The following FLT1 variants were observed in gnomAD, a reference collection of about 807,000 sequenced individuals.
FLT1 encodes fms related receptor tyrosine kinase 1, also known as vascular endothelial growth factor receptor 1.
FLT1 carries 49 observed loss-of-function variants against 156.3 expected under a neutral mutation model. The ratio of observed to expected loss-of-function variants is 0.31; its 90% CI spans 0.25 to 0.40. The LOEUF (loss-of-function observed/expected upper bound fraction) is 0.40, where lower values mean the gene tolerates loss of function less well. Ranked by LOEUF, FLT1 falls within the 10% of genes least tolerant of loss-of-function variation. The pLI, the probability that FLT1 is intolerant of heterozygous loss-of-function variation, is 1.00. For missense variants in FLT1, 1,322 were observed against 1,637.2 expected, an observed-to-expected ratio of 0.81 and a Z score of 3.32; for synonymous variants, 594 against 583.8, an observed-to-expected ratio of 1.02 and a Z score of -0.25.
intron 3 of FLT1, among the ~76,000 whole-genome samples, chr13:28,458,390 A>G (rs1879386830): frequency 6.6e-6 from 1 of 152,234 alleles, no homozygotes; most frequent in Admixed American, 6.5e-5. Context: ...AGTAAGTCTT[A>G]GCAATGTGGC....
Position 28,357,551 on chromosome 13 carries a change from T to A in FLT1, c.2248+3A>T. The A allele has an allele frequency of 6.2e-7, 1 of 1,614,120 alleles. No homozygotes were observed. Among genetic ancestry groups the A allele is most frequent in the Non-Finnish European group, 8.5e-7 (1 of 1,179,948 alleles). On this transcript the variant is annotated splice_donor_region_variant and intron_variant, in intron 15 of 29. Transcript: ENST00000282397. ...CTTGTTGCTTTCTTAAGCAGCTGTT[T>A]ACCTTGAACAGTGAGGTATGCTGAA...
chr13:28,323,316 G>A (rs1871547466), intron 20 of FLT1, among the ~76,000 whole-genome samples: 1 of 152,186 alleles, frequency 6.6e-6, no homozygotes, highest in African/African-American at 2.4e-5. Context: ...TGGAGAAACA[G>A]GTTCAGAGAA....
chr13:28,328,668 G>A (rs918427979), intron 19 of FLT1, among the ~76,000 whole-genome samples: 1 of 152,132 alleles, frequency 6.6e-6, no homozygotes, highest in African/African-American at 2.4e-5. Context: ...TCCCCTCTAC[G>A]GCGGCAGATG....
At chr13:28,407,758 A>G (rs1875898856) in intron 10 of FLT1, among the ~76,000 whole-genome samples, 1 of 152,242 alleles carries the variant, frequency 6.6e-6, no homozygotes, top group Non-Finnish European at 1.5e-5. Context: ...GGTAAAATAA[A>G]TGAACATTTT....
intron 1 of FLT1, among the ~76,000 whole-genome samples, chr13:28,485,665 T>C (rs1881113758): frequency 1.3e-5 from 2 of 152,210 alleles, no homozygotes; most frequent in South Asian, 2.1e-4. Context: ...GAGAGGCATC[T>C]GCTTCCCACC....
intron 17 of FLT1, among the ~76,000 whole-genome samples, chr13:28,335,876 T>A (rs1872099532): frequency 1.3e-5 from 2 of 152,266 alleles, no homozygotes; most frequent in African/African-American, 4.8e-5. Context: ...CAGTGGATCC[T>A]GAAAGTGCTA....
At chr13:28,388,526 A>T in intron 13 of FLT1, 2 of 1,041,518 alleles carry the variant, frequency 1.9e-6, no homozygotes, top group Non-Finnish European at 2.3e-6. Flanking sequence ...AGAACAATGC[A>T]TATTAAATTG....
At chr13:28,386,230 C>T (rs1310033254) in intron 13 of FLT1, 2 of 1,053,088 alleles carry the variant, frequency 1.9e-6, no homozygotes, top group Middle Eastern at 4.2e-4. Context: ...TCTGCCACGT[C>T]CCAAAACCTT....
intron 11 of FLT1, among the ~76,000 whole-genome samples, chr13:28,398,134 G>A (rs201079091): frequency 1.3e-5 from 2 of 152,240 alleles, no homozygotes; most frequent in East Asian, 3.9e-4. Context: ...TGAAAAAAAT[G>A]AGAAAGCTAG....
In FLT1 at chr13:28,386,140, T is replaced by G. The variant is rs551427549; in HGVS notation, c.1970-1109A>C. 6 of 1,053,428 alleles carry G rather than the reference T, an allele frequency of 5.7e-6. No individual in the cohort carries two copies. The South Asian group carries it at 2.3e-4, about 40-fold the overall frequency. The allele number at this position is 1,053,428 out of a possible 1,614,324, so 65.3% of individuals were successfully genotyped here. A position where few individuals can be genotyped will look rare whatever the true frequency, so the allele number is the denominator to read the frequency against. On this transcript the variant is annotated intron_variant, in intron 13 of 29. Coordinates refer to ENST00000282397, the MANE Select transcript of FLT1 (RefSeq NM_002019.4). ...TTTCCTCATCTTAGTGTACTAAAAC[T>G]GTGAAGGCAGCTTAGGAGTGATGAC...
intron 15 of FLT1, among the ~76,000 whole-genome samples, chr13:28,355,424 G>C (rs1397795824): frequency 2.0e-5 from 3 of 152,188 alleles, no homozygotes; most frequent in Non-Finnish European, 4.4e-5. Flanking sequence ...AGACAGTACT[G>C]TCTCAAAGTT....
intron 3 of FLT1, among the ~76,000 whole-genome samples, chr13:28,440,213 C>T (rs1878259022): frequency 6.6e-6 from 1 of 152,178 alleles, no homozygotes; most frequent in Non-Finnish European, 1.5e-5. Flanking sequence ...TCCTTGGATG[C>T]TACATTCCTA....
At position 28,480,894 on chromosome 13, in the gene FLT1, G is replaced by A. The variant is rs139320688; in HGVS notation, c.65-13277C>T. Among the ~76,000 whole-genome samples, 8 of 152,298 alleles carry A rather than the reference G, an allele frequency of 5.3e-5. No homozygotes were observed. In the East Asian group the frequency reaches 9.6e-4, roughly 18 times the overall value. ...AAACAGAGCACCACGGAAGACGACC[G>A]GGGTGGAGACTCAGCAATGAGGGAA... On this transcript the variant is annotated intron_variant, in intron 1 of 29. Coordinates refer to ENST00000282397, the MANE Select transcript of FLT1 (RefSeq NM_002019.4).
Position 28,433,912 on chromosome 13 carries a change from G to A in FLT1, c.720C>T (p.Val240=). 6.2e-7 allele frequency: 1 copy of A among 1,614,088 alleles called. No homozygotes were observed. Among genetic ancestry groups the A allele is most frequent in the Non-Finnish European group, 8.5e-7 (1 of 1,179,934 alleles). ...CAAGAGTATGGCCTCTAAGTAATTT[G>A]ACTGGGCGTGGTGTGCTTATTTGGA... ...IDVQISTPRP[V]KLLRGHTLVL... Residue 240 remains valine, a synonymous_variant, in exon 6 of 30, where the codon GTC becomes GTT. Transcript: ENST00000282397.
At chr13:28,406,255 A>T (rs1317676446) in intron 10 of FLT1, among the ~76,000 whole-genome samples, 1 of 152,228 alleles carries the variant, frequency 6.6e-6, no homozygotes, top group Admixed American at 6.5e-5. Context: ...AAAAAACTCA[A>T]GGAAATCATA....
rs545727584 is a variant in FLT1 at position 28,437,964 on chromosome 13, A to T, written c.513+257T>A. On this transcript the variant is annotated intron_variant, in intron 4 of 29. Transcript: ENST00000282397. ...CACACAGTTGGGTTTGTGGCAATAC[A>T]TAACATTTTTCACGATTTCAGTTCT... 2.6e-5 allele frequency among the ~76,000 whole-genome samples: 4 copies of T among 152,378 alleles called. 1 individual carries two copies. In the East Asian group the frequency reaches 7.7e-4, roughly 29 times the overall value.
chr13:28,352,099 C>T (rs959750422), intron 15 of FLT1, among the ~76,000 whole-genome samples: 5 of 152,274 alleles, frequency 3.3e-5, no homozygotes, highest in East Asian at 1.9e-4. Flanking sequence ...TTTTAACCAC[C>T]GTGCTGTGCT....
intron 1 of FLT1, among the ~76,000 whole-genome samples, chr13:28,473,715 A>G (rs192847420): frequency 0.12 from 10,367 of 82,938 alleles, 808 homozygotes; most frequent in African/African-American, 0.2. Context: ...AGAAAGAAAG[A>G]AAGAAAGAAA....
chr13:28,380,763 C>A (rs1390248711), intron 14 of FLT1, among the ~76,000 whole-genome samples: 1 of 152,064 alleles, frequency 6.6e-6, no homozygotes, highest in Non-Finnish European at 1.5e-5. Context: ...AACTCTGATG[C>A]CTTCCAGTGA....
Sources: gnomAD v4.1 joint callset for allele counts (sites outside exome capture counted in the v4.1 genomes callset) on GRCh38, gnomAD v4.1.1 for gene constraint, MANE v1.5 for transcripts, NCBI Gene and HGNC (gene_info 2026-07-23, HGNC 2026-07-21) for gene names.